The following STON2 variants were observed in gnomAD, a reference collection of about 807,000 sequenced individuals.
STON2 encodes stonin 2, also known as stonin-2.
STON2 carries 29 observed loss-of-function variants against 65.7 expected under a neutral mutation model. The observed-to-expected ratio is 0.44, with a 90% CI of 0.33 to 0.60. STON2 has a LOEUF of 0.60. Among genes scored for constraint, STON2 ranks in the 20% least tolerant of loss-of-function variants. The pLI is 0.03. For missense variants in STON2, 1,054 were observed against 1,118.1 expected (o/e 0.94, Z 0.82); for synonymous variants, 404 against 414.2 (o/e 0.98, Z 0.30).
In STON2 at chr14:81,264,465, G is replaced by C; in HGVS notation, c.*3949C>G. Reference sequence around the variant, plus strand: ...TCCTTTATTTCATGAGTATACGTTTGCCCTCCTGGCAAGCATTTAAGGTGG... The same window carrying C: ...TCCTTTATTTCATGAGTATACGTTTCCCCTCCTGGCAAGCATTTAAGGTGG... On this transcript the variant is annotated 3_prime_UTR_variant, in exon 8 of 8. Transcript: ENST00000614646. 1.0e-6 allele frequency: 1 copy of C among 985,386 alleles called. No homozygotes were observed. The highest frequency in any genetic ancestry group is 1.2e-6 in the Non-Finnish European group (1 of 829,922). The allele number at this position is 985,386 out of a possible 1,614,324, so 61.0% of individuals were successfully genotyped here. A position where few individuals can be genotyped will look rare whatever the true frequency, so the allele number is the denominator to read the frequency against.
intron 3 of STON2, among the ~76,000 whole-genome samples, chr14:81,385,917 A>G (rs1471038281): frequency 6.6e-6 from 1 of 152,124 alleles, no homozygotes. Flanking sequence ...AAAGCTAGAG[A>G]GTGGAGGTGG....
In STON2 at chr14:81,268,370, C is replaced by T; in HGVS notation, c.*44G>A. ...ACCCTATCATGACTCAGGAAGACAC[C>T]CTATCATGACTCTGGGATCAGGATT... is the stretch of plus-strand genomic sequence containing the variant. On this transcript the variant is annotated 3_prime_UTR_variant, in exon 8 of 8. Transcript: ENST00000614646. 2.3e-6 allele frequency: 3 copies of T among 1,288,154 alleles called. 1 individual carries two copies. The highest frequency in any genetic ancestry group is 1.2e-5 in the South Asian group (1 of 80,586). The allele number at this position is 1,288,154 out of a possible 1,614,324, so 79.8% of individuals were successfully genotyped here. A position where few individuals can be genotyped will look rare whatever the true frequency, so the allele number is the denominator to read the frequency against.
rs1464573813 is a variant in STON2, at chr14:81,411,889, ATAG to A, written c.-198-13312_-198-13310del. On this transcript the variant is annotated intron_variant, in intron 2 of 8. Coordinates refer to the STON2 transcript ENST00000553821. Reference sequence around the variant, plus strand: ...CAAGGAATAACAAGGAATCTTATACATAGAGTGACAGAAGATGTCTCTGAAGAG... The same window carrying A: ...CAAGGAATAACAAGGAATCTTATACAAGTGACAGAAGATGTCTCTGAAGAG... Among the ~76,000 whole-genome samples, 37 of 98,304 alleles carry A rather than the reference ATAG, an allele frequency of 3.8e-4. 1 individual carries two copies. The highest frequency in any genetic ancestry group is 1.0e-3 in the African/African-American group (17 of 17,014). The allele number at this position is 98,304 out of a possible 152,430, so 64.5% of individuals were successfully genotyped here.
At position 81,395,873 on chromosome 14, in the gene STON2, G is replaced by A. The variant is rs114513770; in HGVS notation, c.373+21C>T. The A allele has an allele frequency of 1.8e-4, 290 of 1,612,816 alleles. 2 individuals are homozygous for A. In the African/African-American group the frequency reaches 2.6e-3, roughly 14 times the overall value. ...TCCCTGCTGACCACAAACCCAAGCC[G>A]GGCCCTTCCTACCTCCTCACCTGTC... is the stretch of plus-strand genomic sequence containing the variant. On this transcript the variant is annotated intron_variant, in intron 3 of 7. Coordinates refer to ENST00000614646, the MANE Select transcript of STON2 (RefSeq NM_001394390.1).
In STON2 at chr14:81,278,399, A is replaced by G. The variant is rs779686267; in HGVS notation, c.1083T>C (p.Thr361=). 12 of 1,614,112 alleles carry G rather than the reference A, an allele frequency of 7.4e-6. No individual in the cohort carries two copies. The African/African-American group carries it at 8.0e-5, about 11-fold the overall frequency. ...TGGTTGCCCTCCAAGGTGAAGCCTC[A>G]GTTACAGAAGGCGTGCGGTTTAAAG... ...ISSLNRTPSV[T]EASPWRATNP... Residue 361 remains threonine, a synonymous_variant, in exon 6 of 8, where the codon ACT becomes ACC. Transcript: ENST00000614646.
chr14:81,262,420 A>C lies in STON2; in HGVS notation c.*5994T>G. On this transcript the variant is annotated 3_prime_UTR_variant, in exon 8 of 8. Coordinates refer to ENST00000614646, the MANE Select transcript of STON2 (RefSeq NM_001394390.1). ...TTTGTTGAGTTGAATTAATCCTGCC[A>C]TCTATCCCTTTTTACTATGCAATCT... The C allele has an allele frequency of 5.1e-6, 5 of 983,168 alleles. No individual in the cohort carries two copies. Among genetic ancestry groups the C allele is most frequent in the Non-Finnish European group, 6.0e-6 (5 of 829,008 alleles). 60.9% of individuals were successfully genotyped at this position (983,168 alleles called of 1,614,324 possible). A position where few individuals can be genotyped will look rare whatever the true frequency, so the allele number is the denominator to read the frequency against.
intron 4 of STON2, among the ~76,000 whole-genome samples, chr14:81,354,938 A>G (rs12436146): frequency 0.31 from 46,385 of 151,898 alleles, 7,329 homozygotes; most frequent in East Asian, 0.41. Context: ...TGCTTGAACC[A>G]GGACCTGGGA....
chr14:81,310,541 A>C (rs1404010624), intron 5 of STON2, among the ~76,000 whole-genome samples: 1 of 152,232 alleles, frequency 6.6e-6, no homozygotes, highest in African/African-American at 2.4e-5. Flanking sequence ...TGAGAAGTCT[A>C]ATTGCCCTCC....
intron 5 of STON2, among the ~76,000 whole-genome samples, chr14:81,288,182 AC>A (rs1194437763): frequency 6.6e-6 from 1 of 152,210 alleles, no homozygotes. Flanking sequence ...AGCAAAAAGC[AC>A]CTGTTTCCTT....
intron 3 of STON2, among the ~76,000 whole-genome samples, chr14:81,374,482 G>A (rs1284988200): frequency 6.6e-6 from 1 of 152,122 alleles, no homozygotes; most frequent in African/African-American, 2.4e-5. Flanking sequence ...AAGTGTGTGG[G>A]TGGGTGGGGT....
rs533352845 is a variant in STON2, at chr14:81,313,841, T to A, written c.742+10176A>T. On this transcript the variant is annotated intron_variant, in intron 5 of 7. Transcript: ENST00000614646. ...CACACACACACACACACACACACACTAATGAAACAGATCATTCATTACAAA... is the reference window on the plus strand; with the variant it reads ...CACACACACACACACACACACACACAAATGAAACAGATCATTCATTACAAA... Among the ~76,000 whole-genome samples the A allele has an allele frequency of 7.6e-4, 102 of 134,908 alleles. 1 individual carries two copies. In the South Asian group the frequency reaches 0.023, roughly 31 times the overall value. 88.5% of individuals were successfully genotyped at this position (134,908 alleles called of 152,430 possible).
chr14:81,392,597 T>C (rs1160196836), intron 3 of STON2, among the ~76,000 whole-genome samples: 1 of 152,206 alleles, frequency 6.6e-6, no homozygotes, highest in Admixed American at 6.5e-5. Context: ...AAAGTACTGA[T>C]ATTTTGTTCA....
rs1339284219 is a variant in STON2, at chr14:81,267,329, C to T, written c.*1085G>A. On this transcript the variant is annotated 3_prime_UTR_variant, in exon 8 of 8. Transcript: ENST00000614646. Reference sequence around the variant, plus strand: ...CGTCTCTACCCTAGAGATGCCTTTTCAATCCAATCCAATACTGTGATTATC... The same window carrying T: ...CGTCTCTACCCTAGAGATGCCTTTTTAATCCAATCCAATACTGTGATTATC... The T allele has an allele frequency of 1.0e-6, 1 of 985,204 alleles. No homozygotes were observed. The highest frequency in any genetic ancestry group is 1.2e-6 in the Non-Finnish European group (1 of 829,914). The allele number at this position is 985,204 out of a possible 1,614,324, so 61.0% of individuals were successfully genotyped here. A position where few individuals can be genotyped will look rare whatever the true frequency, so the allele number is the denominator to read the frequency against.
chr14:81,299,785 G>T (rs1317213671), intron 5 of STON2, among the ~76,000 whole-genome samples: 1 of 152,004 alleles, frequency 6.6e-6, no homozygotes, highest in Non-Finnish European at 1.5e-5. Flanking sequence ...GATGTGTAAG[G>T]CCTCTTCACT....
At chr14:81,331,465 A>G (rs948346830) in intron 4 of STON2, among the ~76,000 whole-genome samples, 2 of 152,212 alleles carry the variant, frequency 1.3e-5, no homozygotes, top group African/African-American at 4.8e-5. Context: ...TGACTCCAGC[A>G]TAGACTTCTG....
intron 4 of STON2, among the ~76,000 whole-genome samples, chr14:81,328,710 G>C (rs1213300479): frequency 6.6e-6 from 1 of 152,154 alleles, no homozygotes; most frequent in Non-Finnish European, 1.5e-5. Context: ...GATGCCTCAT[G>C]AACAGATCAA....
chr14:81,275,592 G>C (rs1027302780), intron 6 of STON2, among the ~76,000 whole-genome samples: 2 of 152,064 alleles, frequency 1.3e-5, no homozygotes, highest in African/African-American at 4.8e-5. Context: ...TGATTTCAGG[G>C]GAAATGAATA....
intron 6 of STON2, among the ~76,000 whole-genome samples, chr14:81,276,017 T>G (rs1006176567): frequency 1.3e-5 from 2 of 152,208 alleles, no homozygotes; most frequent in East Asian, 3.8e-4. Context: ...CAAAATGTAT[T>G]CTAAACAAGA....
At chr14:81,293,944 G>A (rs781465650) in intron 5 of STON2, among the ~76,000 whole-genome samples, 1 of 152,148 alleles carries the variant, frequency 6.6e-6, no homozygotes, top group South Asian at 2.1e-4. Context: ...TGAGGTGGTT[G>A]TAACACAGTA....
Sources: allele counts gnomAD v4.1 joint callset (sites outside exome capture counted in the v4.1 genomes callset), GRCh38; gene constraint gnomAD v4.1.1; transcripts MANE v1.5; gene names NCBI Gene and HGNC (gene_info 2026-07-23, HGNC 2026-07-21).